DTWD1: variants seen among roughly 807,000 people sequenced by gnomAD.
The protein encoded by DTWD1 is DTW motif tRNA-uridine aminocarboxypropyltransferase 1, also known as tRNA-uridine aminocarboxypropyltransferase 1.
Under a neutral mutation model 30.2 loss-of-function variants are expected in DTWD1, and 27 were observed. That is an observed-to-expected ratio of 0.90 (90% CI 0.66 to 1.23). The LOEUF (loss-of-function observed/expected upper bound fraction) is 1.23, where lower values mean the gene tolerates loss of function less well. DTWD1 is among the 50% of genes most tolerant of loss of function. The probability of loss-of-function intolerance (pLI) is 0.00; values close to 1 mark genes in which losing one functional copy is unlikely to be tolerated. For missense variants in DTWD1, 342 were observed against 348.8 expected (o/e 0.98, Z 0.15); for synonymous variants, 99 against 113.1 (o/e 0.88, Z 0.79).
At chr15:49,625,782 G>A (rs2078835322) in intron 2 of DTWD1, among the ~76,000 whole-genome samples, 1 of 152,066 alleles carries the variant, frequency 6.6e-6, no homozygotes, top group Non-Finnish European at 1.5e-5. Flanking sequence ...TCCAAATAGG[G>A]TAAATGCACG....
chr15:49,638,734 C>T (rs1411834263), intron 4 of DTWD1, among the ~76,000 whole-genome samples: 1 of 152,042 alleles, frequency 6.6e-6, no homozygotes, highest in East Asian at 1.9e-4. Context: ...GTTAAGAATC[C>T]CTTTAACAAT....
rs1807006325 is a variant in DTWD1, at chr15:49,654,572, C to T, written c.*10994C>T. The T allele has an allele frequency of 6.6e-6, 1 of 152,004 alleles. No homozygotes were observed. The highest frequency in any genetic ancestry group is 2.1e-4 in the South Asian group (1 of 4,824). 9.4% of individuals were successfully genotyped at this position (152,004 alleles called of 1,614,324 possible). On this transcript the variant is annotated 3_prime_UTR_variant, in exon 5 of 5. Coordinates refer to ENST00000403028, the MANE Select transcript of DTWD1 (RefSeq NM_001144955.2). ...CTAGAGACACCACATGGAAAGGCCA[C>T]CTAGGGAAGAACTGAGATGCCCCAG...
At chr15:49,627,330 T>A (rs1779110652) in intron 2 of DTWD1, among the ~76,000 whole-genome samples, 1 of 152,200 alleles carries the variant, frequency 6.6e-6, no homozygotes, top group South Asian at 2.1e-4. Context: ...CCTTTCCAAT[T>A]TTTACTTTAT....
At position 49,647,607 on chromosome 15, in the gene DTWD1, TACTG is replaced by T. The variant is rs2079128126; in HGVS notation, c.*4032_*4035del. On this transcript the variant is annotated 3_prime_UTR_variant, in exon 5 of 5. Coordinates refer to ENST00000403028, the MANE Select transcript of DTWD1 (RefSeq NM_001144955.2). ...ATTATAGCAACTTTTTATCTCCAAA[TACTG>T]ACAATTAAAAGACCCTAGTGAAAAC... is the stretch of plus-strand genomic sequence containing the variant. 6.6e-6 allele frequency: 1 copy of T among 152,134 alleles called. No individual in the cohort carries two copies. Among genetic ancestry groups the T allele is most frequent in the Non-Finnish European group, 1.5e-5 (1 of 68,018 alleles). 9.4% of individuals were successfully genotyped at this position (152,134 alleles called of 1,614,324 possible).
Position 49,646,208 on chromosome 15 carries a change from G to A in DTWD1, c.*2630G>A, listed in dbSNP as rs12906292. 15,994 of 152,284 alleles carry A rather than the reference G, an allele frequency of 0.11. 1,200 individuals carry two copies. Among genetic ancestry groups the A allele is most frequent in the East Asian group, 0.36 (1,859 of 5,154 alleles). 9.4% of individuals were successfully genotyped at this position (152,284 alleles called of 1,614,324 possible). A position where few individuals can be genotyped will look rare whatever the true frequency, so the allele number is the denominator to read the frequency against. On this transcript the variant is annotated 3_prime_UTR_variant, in exon 5 of 5. Transcript: ENST00000403028. ...TGAATGATTCCAGCCAAGATCAGCAGAGTCATCTAACTGACACCTACCTGA... is the reference window on the plus strand; with the variant it reads ...TGAATGATTCCAGCCAAGATCAGCAAAGTCATCTAACTGACACCTACCTGA...
In DTWD1 at chr15:49,625,376, A is replaced by G. The variant is rs1294830453; in HGVS notation, c.209A>G (p.Tyr70Cys). The G allele has an allele frequency of 2.5e-6, 4 of 1,613,692 alleles. No individual in the cohort carries two copies. Among genetic ancestry groups the G allele is most frequent in the Non-Finnish European group, 2.5e-6 (3 of 1,179,848 alleles). Residue 70 changes from tyrosine (Y) to cysteine (C), a missense_variant, in exon 2 of 5, where the codon TAT (tyrosine) becomes TGT (cysteine). Physicochemically the swap from Tyr to Cys is radical, Grantham distance 194. Transcript: ENST00000403028. ...GGTGGTTCCAGAATGTTCTACTGCT[A>G]TACATGTTATGTTCCAGTTGAAAAT... The part of the protein sequence containing the change: ...KCGGSRMFYC[Y>C]TCYVPVENVP...
chr15:49,628,166 T>C (rs903511347), intron 2 of DTWD1, among the ~76,000 whole-genome samples: 2 of 152,188 alleles, frequency 1.3e-5, no homozygotes, highest in African/African-American at 4.8e-5. Flanking sequence ...TCAGTATCAC[T>C]GTCTTCTTCC....
rs552863886 is a variant in DTWD1, at chr15:49,650,889, C to G, written c.*7311C>G. 5.9e-5 allele frequency: 9 copies of G among 152,246 alleles called. No homozygotes were observed. Among genetic ancestry groups the G allele is most frequent in the African/African-American group, 2.2e-4 (9 of 41,552 alleles). The allele number at this position is 152,246 out of a possible 1,614,324, so 9.4% of individuals were successfully genotyped here. On this transcript the variant is annotated 3_prime_UTR_variant, in exon 5 of 5. Coordinates refer to ENST00000403028, the MANE Select transcript of DTWD1 (RefSeq NM_001144955.2). ...CATCTCAGCATTCCTCTTTAGAGGA[C>G]TCGACCTGTGGTAATTGTTAGTAGG...
chr15:49,634,414 A>T, intron 3 of DTWD1, 122 bp from the exon 4 acceptor site: 3 of 1,146,848 alleles, frequency 2.6e-6, no homozygotes, highest in Non-Finnish European at 3.6e-6. Flanking sequence ...ATACAATAGA[A>T]CCAACCTAAT....
In DTWD1 at chr15:49,649,947, T is replaced by C. The variant is rs563023044; in HGVS notation, c.*6369T>C. 1.3e-5 allele frequency: 2 copies of C among 152,086 alleles called. No individual in the cohort carries two copies. The highest frequency in any genetic ancestry group is 4.8e-5 in the African/African-American group (2 of 41,418). The allele number at this position is 152,086 out of a possible 1,614,324, so 9.4% of individuals were successfully genotyped here. ...GACTGGTGCAGGAAAGGGGTGCCAG[T>C]TTAAATAGCATGGTCAGATGGAAAA... On this transcript the variant is annotated 3_prime_UTR_variant, in exon 5 of 5. Transcript: ENST00000403028.
intron 1 of DTWD1, 55 bp from the exon 2 acceptor site, chr15:49,625,058 G>T: frequency 9.2e-7 from 1 of 1,090,794 alleles, no homozygotes; most frequent in East Asian, 2.5e-5. Flanking sequence ...TTTGTAGACT[G>T]AGTAAAATGT....
Position 49,649,776 on chromosome 15 carries a change from A to G in DTWD1, c.*6198A>G, listed in dbSNP as rs2079142122. 1.3e-5 allele frequency: 2 copies of G among 152,024 alleles called. No homozygotes were observed. Among genetic ancestry groups the G allele is most frequent in the South Asian group, 4.1e-4 (2 of 4,824 alleles). 9.4% of individuals were successfully genotyped at this position (152,024 alleles called of 1,614,324 possible). On this transcript the variant is annotated 3_prime_UTR_variant, in exon 5 of 5. Transcript: ENST00000403028. ...AAAAAAATAAAAAGTCAGCAAAGGG[A>G]AGTTTCAGGGTTTCAGGATTCATTC...
At position 49,625,129 on chromosome 15, in the gene DTWD1, G is replaced by A. The variant is rs574093239; in HGVS notation, c.-39G>A. ...TTTTTACAGTGCACCTATGATATGT[G>A]TTTTAGAAATAGCCGTTAAACTTTG... On this transcript the variant is annotated 5_prime_UTR_variant, in exon 2 of 5. Transcript: ENST00000403028. The A allele has an allele frequency of 6.3e-6, 10 of 1,593,242 alleles. No homozygotes were observed. Among genetic ancestry groups the A allele is most frequent in the Non-Finnish European group, 6.9e-6 (8 of 1,166,582 alleles).
At position 49,646,300 on chromosome 15, in the gene DTWD1, T is replaced by C. The variant is rs1257369675; in HGVS notation, c.*2722T>C. 1 of 152,240 alleles carries C rather than the reference T, an allele frequency of 6.6e-6. No homozygotes were observed. The highest frequency in any genetic ancestry group is 3.2e-3 in the Middle Eastern group (1 of 316). 9.4% of individuals were successfully genotyped at this position (152,240 alleles called of 1,614,324 possible). A position where few individuals can be genotyped will look rare whatever the true frequency, so the allele number is the denominator to read the frequency against. ...GTCTTATAGCTATTTATTGTGGCTA[T>C]AGATATCTCATCTTTGGATGCATTA... On this transcript the variant is annotated 3_prime_UTR_variant, in exon 5 of 5. Transcript: ENST00000403028.
rs1365985981 is a variant in DTWD1 at position 49,648,993 on chromosome 15, T to C, written c.*5415T>C. ...CAATCTAAGAGGTCCTTCATTTGAA[T>C]AATAGGAGTAACAGAATGGGAAAGG... On this transcript the variant is annotated 3_prime_UTR_variant, in exon 5 of 5. Transcript: ENST00000403028. The C allele has an allele frequency of 6.6e-6, 1 of 152,056 alleles. No homozygotes were observed. The highest frequency in any genetic ancestry group is 1.5e-5 in the Non-Finnish European group (1 of 68,014). The allele number at this position is 152,056 out of a possible 1,614,324, so 9.4% of individuals were successfully genotyped here. A position where few individuals can be genotyped will look rare whatever the true frequency, so the allele number is the denominator to read the frequency against.
Position 49,655,122 on chromosome 15 carries a change from A to C in DTWD1, c.*11544A>C, listed in dbSNP as rs2079171066. On this transcript the variant is annotated 3_prime_UTR_variant, in exon 5 of 5. Transcript: ENST00000403028. ...TTTAGGGCTTCAACATATGAATTTC[A>C]GTGCATAGAAAGCACCAAGTCCTCA... is the stretch of plus-strand genomic sequence containing the variant. 6.6e-6 allele frequency: 1 copy of C among 152,096 alleles called. No homozygotes were observed. Among genetic ancestry groups the C allele is most frequent in the Non-Finnish European group, 1.5e-5 (1 of 68,002 alleles). 9.4% of individuals were successfully genotyped at this position (152,096 alleles called of 1,614,324 possible).
intron 2 of DTWD1, among the ~76,000 whole-genome samples, chr15:49,629,196 A>G (rs896510837): frequency 6.6e-6 from 1 of 152,182 alleles, no homozygotes. Context: ...ACAAACATGG[A>G]TTTCCATGAT....
chr15:49,634,483 T>G (rs2078974013), intron 3 of DTWD1, 53 bp from the exon 4 acceptor site: 2 of 1,499,138 alleles, frequency 1.3e-6, no homozygotes, highest in East Asian at 4.6e-5. Flanking sequence ...TCAAAATTTA[T>G]ATATTTTGAA....
chr15:49,626,861 C>A, intron 2 of DTWD1: 1 of 365,988 alleles, frequency 2.7e-6, no homozygotes, highest in Non-Finnish European at 5.8e-6. Context: ...ATATGATCTT[C>A]ACAGTTTGCT....
Sources: allele counts gnomAD v4.1 joint callset (sites outside exome capture counted in the v4.1 genomes callset), GRCh38; gene constraint gnomAD v4.1.1; transcripts MANE v1.5; gene names NCBI Gene and HGNC (gene_info 2026-07-23, HGNC 2026-07-21).